CFAP44: variants seen among roughly 807,000 people sequenced by gnomAD.
CFAP44 encodes cilia- and flagella-associated protein 44.
In CFAP44, 134 loss-of-function variants were observed where a neutral mutation model predicts 216.2. That is an observed-to-expected ratio of 0.62 (90% CI 0.54 to 0.72). The LOEUF (loss-of-function observed/expected upper bound fraction) is 0.72, where lower values mean the gene tolerates loss of function less well. Ranked by LOEUF, CFAP44 falls within the 30% of genes least tolerant of loss-of-function variation. The probability of loss-of-function intolerance (pLI) is 0.00; values close to 1 mark genes in which losing one functional copy is unlikely to be tolerated. For missense variants in CFAP44, 2,035 were observed against 2,182.1 expected, an observed-to-expected ratio of 0.93 and a Z score of 1.34; for synonymous variants, 700 against 727.6, an observed-to-expected ratio of 0.96 and a Z score of 0.61.
At chr3:113,320,470 T>C (rs1189536407) in intron 28 of CFAP44, among the ~76,000 whole-genome samples, 1 of 86,204 alleles carries the variant, frequency 1.2e-5, no homozygotes, top group Admixed American at 9.5e-5. Context: ...ATATATCATA[T>C]ATGATATATA....
At chr3:113,391,416 CA>C (rs1399991946) in intron 15 of CFAP44, among the ~76,000 whole-genome samples, 1 of 152,116 alleles carries the variant, frequency 6.6e-6, no homozygotes. Context: ...GGAAACTCTC[CA>C]GGACATTAGA....
intron 6 of CFAP44, among the ~76,000 whole-genome samples, chr3:113,410,627 T>C (rs113104064): frequency 0.072 from 10,990 of 152,258 alleles, 451 homozygotes; most frequent in East Asian, 0.15. Context: ...TGTGTCTTTA[T>C]AGTAGCATGA....
intron 19 of CFAP44, among the ~76,000 whole-genome samples, chr3:113,365,741 GA>G (rs934032619): frequency 1.3e-5 from 2 of 151,106 alleles, no homozygotes; most frequent in Non-Finnish European, 3.0e-5. Flanking sequence ...TGCAAACTTT[GA>G]AAAAAAACCT....
chr3:113,364,517 C>T (rs1007276883), intron 19 of CFAP44, among the ~76,000 whole-genome samples: 1 of 152,054 alleles, frequency 6.6e-6, no homozygotes, highest in Non-Finnish European at 1.5e-5. Flanking sequence ...TCACTTAGGA[C>T]AAAAATTTAC....
intron 5 of CFAP44, 93 bp downstream of exon 5, chr3:113,419,924 G>T: frequency 7.6e-7 from 1 of 1,320,396 alleles, no homozygotes. Flanking sequence ...ACTGTGCATG[G>T]TGTTGGCATC....
chr3:113,305,339 A>G (rs1156849286), intron 30 of CFAP44, among the ~76,000 whole-genome samples, 187 bp from the exon 31 acceptor site: 1 of 152,218 alleles, frequency 6.6e-6, no homozygotes, highest in African/African-American at 2.4e-5. Flanking sequence ...CCAAGTTATG[A>G]TCCACATCAC....
intron 26 of CFAP44, among the ~76,000 whole-genome samples, chr3:113,328,020 T>A (rs1027157788): frequency 4.6e-5 from 7 of 152,102 alleles, no homozygotes; most frequent in Non-Finnish European, 8.8e-5. Flanking sequence ...TGGTAGGAAT[T>A]GTGTAACTAG....
rs899054379 is a variant in CFAP44 at position 113,338,959 on chromosome 3, C to T, written c.3437+2785G>A. 1.2e-4 allele frequency among the ~76,000 whole-genome samples: 18 copies of T among 152,002 alleles called. 1 individual carries two copies. Among genetic ancestry groups the T allele is most frequent in the African/African-American group, 4.4e-4 (18 of 41,366 alleles). On this transcript the variant is annotated intron_variant, in intron 24 of 34. Coordinates refer to ENST00000393845, the MANE Select transcript of CFAP44 (RefSeq NM_001164496.2). ...CCTCTGAGACTCATATCTTTAATTC[C>T]CTGGGTTTACCCCTTGCAACCTGAG...
Position 113,358,889 on chromosome 3 carries a change from G to C in CFAP44, c.2935-14C>G. The C allele has an allele frequency of 6.5e-7, 1 of 1,534,404 alleles. No homozygotes were observed. The highest frequency in any genetic ancestry group is 1.2e-5 in the South Asian group (1 of 83,560). ...TACATCAAAATCCTGCAGATAAGAA[G>C]ATCTGTTCATCAAAATGGGTACTGT... On this transcript the variant is annotated splice_polypyrimidine_tract_variant and intron_variant, in intron 21 of 34. Transcript: ENST00000393845.
chr3:113,343,501 G>A (rs1950354558), intron 23 of CFAP44, among the ~76,000 whole-genome samples: 1 of 152,070 alleles, frequency 6.6e-6, no homozygotes, highest in African/African-American at 2.4e-5. Context: ...CAAATATATA[G>A]CGGTATAGAG....
chr3:113,306,440 A>G, intron 29 of CFAP44, 109 bp from the exon 30 acceptor site: 1 of 1,339,322 alleles, frequency 7.5e-7, no homozygotes, highest in Non-Finnish European at 1.0e-6. Context: ...TTATGGATCC[A>G]CTCTAGCCAG....
At chr3:113,339,625 T>C (rs144198096) in intron 24 of CFAP44, among the ~76,000 whole-genome samples, 17 of 152,360 alleles carry the variant, frequency 1.1e-4, no homozygotes, top group African/African-American at 4.1e-4. Context: ...CTTTACATTG[T>C]GCCTGTTGCC....
chr3:113,342,458 A>C (rs1458566031), intron 23 of CFAP44, among the ~76,000 whole-genome samples: 1 of 152,218 alleles, frequency 6.6e-6, no homozygotes, highest in Non-Finnish European at 1.5e-5. Flanking sequence ...TGCTTTTAAA[A>C]CCCTTATTAA....
At chr3:113,370,596 T>C (rs1442453160) in intron 18 of CFAP44, among the ~76,000 whole-genome samples, 1 of 152,214 alleles carries the variant, frequency 6.6e-6, no homozygotes, top group Non-Finnish European at 1.5e-5. Context: ...TGATAAGAGC[T>C]ATTTATGACA....
chr3:113,422,002 A>T (rs533436791), intron 4 of CFAP44, among the ~76,000 whole-genome samples: 12 of 151,702 alleles, frequency 7.9e-5, no homozygotes, highest in Middle Eastern at 3.4e-3. Context: ...ATATTTTTTT[A>T]AAAAAGAGGT....
At chr3:113,333,183 T>TGGACTACC (rs1950255144) in intron 25 of CFAP44, among the ~76,000 whole-genome samples, 1 of 152,134 alleles carries the variant, frequency 6.6e-6, no homozygotes, top group Non-Finnish European at 1.5e-5. Flanking sequence ...GGTTCTTCCA[T>TGGACTACC]ATTAGCTGAC....
intron 24 of CFAP44, among the ~76,000 whole-genome samples, chr3:113,340,918 G>A (rs1950327014): frequency 6.6e-6 from 1 of 152,214 alleles, no homozygotes; most frequent in Non-Finnish European, 1.5e-5. Context: ...AACCAGAAGG[G>A]AGATGGTTTT....
intron 5 of CFAP44, among the ~76,000 whole-genome samples, chr3:113,417,631 C>T (rs1934685331): frequency 6.6e-6 from 1 of 152,148 alleles, no homozygotes; most frequent in Non-Finnish European, 1.5e-5. Context: ...CCCAAGATAA[C>T]ATTATTTCCT....
intron 10 of CFAP44, 33 bp from the exon 11 acceptor site, chr3:113,401,320 T>C (rs373614251): frequency 1.2e-4 from 182 of 1,548,044 alleles, no homozygotes; most frequent in Middle Eastern, 1.7e-4. Context: ...TGTTTTATCA[T>C]TTTAAACTTT....
Sources: allele counts gnomAD v4.1 joint callset (sites outside exome capture counted in the v4.1 genomes callset), GRCh38; gene constraint gnomAD v4.1.1; transcripts MANE v1.5; gene names NCBI Gene and HGNC (gene_info 2026-07-23, HGNC 2026-07-21).